Variants in PTPRK observed in about 807,000 individuals in gnomAD.
PTPRK encodes protein tyrosine phosphatase receptor type K.
Under a neutral mutation model 178.0 loss-of-function variants are expected in PTPRK, and 75 were observed. The ratio of observed to expected loss-of-function variants is 0.42; its 90% CI spans 0.35 to 0.51. The LOEUF is 0.51. Among genes scored for constraint, PTPRK ranks in the 20% least tolerant of loss-of-function variants. The pLI, the probability that PTPRK is intolerant of heterozygous loss-of-function variation, is 0.02. For synonymous variants in PTPRK, 637 were observed against 620.6 expected (o/e 1.03, Z -0.39); for missense variants, 1,441 against 1,797.8 (o/e 0.80, Z 3.59).
At chr6:127,997,956 T>G (rs991989189) in intron 16 of PTPRK, among the ~76,000 whole-genome samples, 1 of 152,160 alleles carries the variant, frequency 6.6e-6, no homozygotes, top group African/African-American at 2.4e-5. Flanking sequence ...GTGTGCATAC[T>G]GTGATGTGTT....
intron 7 of PTPRK, among the ~76,000 whole-genome samples, chr6:128,130,559 G>C (rs1470356881): frequency 1.3e-5 from 2 of 152,164 alleles, no homozygotes; most frequent in Non-Finnish European, 2.9e-5. Flanking sequence ...AAGGTAGTGA[G>C]ATAAAAATAG....
chr6:128,038,995 G>A (rs1346218378), intron 13 of PTPRK, among the ~76,000 whole-genome samples: 1 of 152,068 alleles, frequency 6.6e-6, no homozygotes, highest in East Asian at 1.9e-4. Context: ...TGGAGAAATA[G>A]GTATTCTAAC....
intron 1 of PTPRK, among the ~76,000 whole-genome samples, chr6:128,424,003 T>C (rs190979908): frequency 1.3e-5 from 2 of 150,798 alleles, no homozygotes; most frequent in African/African-American, 4.9e-5. Flanking sequence ...GGAGGATTGC[T>C]TGAGGCCAGG....
chr6:128,449,601 AATG>A (rs1847491681), intron 1 of PTPRK, among the ~76,000 whole-genome samples: 1 of 152,200 alleles, frequency 6.6e-6, no homozygotes, highest in African/African-American at 2.4e-5. Flanking sequence ...AGGTAAAAAC[AATG>A]ATTTTTTTTT....
intron 7 of PTPRK, among the ~76,000 whole-genome samples, chr6:128,130,722 G>A (rs1794098438): frequency 6.6e-6 from 1 of 152,066 alleles, no homozygotes; most frequent in Non-Finnish European, 1.5e-5. Flanking sequence ...AACACTCAGG[G>A]ACTATTTGAC....
intron 3 of PTPRK, among the ~76,000 whole-genome samples, chr6:128,309,080 A>G (rs951348207): frequency 6.6e-6 from 1 of 152,188 alleles, no homozygotes; most frequent in African/African-American, 2.4e-5. Flanking sequence ...TCAAGTCAAT[A>G]GGTTATCAAT....
intron 7 of PTPRK, among the ~76,000 whole-genome samples, chr6:128,127,011 G>A (rs1339715385): frequency 1.3e-5 from 2 of 151,762 alleles, no homozygotes; most frequent in Non-Finnish European, 2.9e-5. Context: ...AGAGGGGTAT[G>A]ATGTTTTGCT....
chr6:128,184,727 T>C lies in PTPRK; in HGVS notation c.869-2A>G. 6.2e-7 allele frequency: 1 copy of C among 1,612,560 alleles called. No individual in the cohort carries two copies. The highest frequency in any genetic ancestry group is 8.5e-7 in the Non-Finnish European group (1 of 1,178,976). ...GAGGAGCAATGGGTCTTGGCGGTTC[T>C]AGGAGAGATGAGTGTGCACTTCAAT... On this transcript the variant is annotated splice_acceptor_variant, in intron 6 of 29. Transcript: ENST00000368226. LOFTEE classifies it high-confidence loss of function.
At position 128,194,073 on chromosome 6, in the gene PTPRK, T is replaced by TA. The variant is rs1267175054; in HGVS notation, c.869-9349_869-9348insT. Among the ~76,000 whole-genome samples the TA allele has an allele frequency of 1.4e-3, 206 of 142,290 alleles. 1 individual carries two copies. The highest frequency in any genetic ancestry group is 4.6e-3 in the African/African-American group (174 of 37,580). The allele number at this position is 142,290 out of a possible 152,430, so 93.3% of individuals were successfully genotyped here. ...AATAATATTTATATATATATTATTA[T>TA]TATTATTATTATTATTATTATTATT... On this transcript the variant is annotated intron_variant, in intron 6 of 29. Transcript: ENST00000368226.
chr6:128,129,510 A>T (rs1793890979), intron 7 of PTPRK, among the ~76,000 whole-genome samples: 1 of 152,158 alleles, frequency 6.6e-6, no homozygotes, highest in Non-Finnish European at 1.5e-5. Flanking sequence ...CATTCATATT[A>T]GAAACATATT....
At chr6:128,460,875 A>G (rs1848970818) in intron 1 of PTPRK, among the ~76,000 whole-genome samples, 1 of 152,208 alleles carries the variant, frequency 6.6e-6, no homozygotes, top group South Asian at 2.1e-4. Context: ...GTTTATTTAT[A>G]TATTTATTTT....
At chr6:128,377,797 T>C (rs1837315631) in intron 2 of PTPRK, among the ~76,000 whole-genome samples, 1 of 151,826 alleles carries the variant, frequency 6.6e-6, no homozygotes, top group Non-Finnish European at 1.5e-5. Context: ...AAAAAAAATG[T>C]CCTAATTAAC....
chr6:128,485,232 A>G (rs1440547158), intron 1 of PTPRK, among the ~76,000 whole-genome samples: 1 of 152,216 alleles, frequency 6.6e-6, no homozygotes, highest in Non-Finnish European at 1.5e-5. Context: ...AGTTGGTTAT[A>G]TTAGTACACA....
In PTPRK at chr6:128,492,815, C is replaced by A. The variant is rs145635455; in HGVS notation, c.100+27444G>T. On this transcript the variant is annotated intron_variant, in intron 1 of 29. Coordinates refer to ENST00000368226, the MANE Select transcript of PTPRK (RefSeq NM_002844.4). ...CAATCTTTGCATATGGAAACCCTTG[C>A]CTTCCAAAAACCCCTTGCTAGTGCC... 4.4e-3 allele frequency among the ~76,000 whole-genome samples: 665 copies of A among 152,270 alleles called. 6 individuals carry two copies. The highest frequency in any genetic ancestry group is 0.015 in the African/African-American group (631 of 41,546).
At chr6:128,395,103 A>G (rs1388871607) in intron 2 of PTPRK, among the ~76,000 whole-genome samples, 1 of 152,202 alleles carries the variant, frequency 6.6e-6, no homozygotes, top group Non-Finnish European at 1.5e-5. Context: ...TGAAAAATCT[A>G]AATGTCTCCT....
intron 14 of PTPRK, among the ~76,000 whole-genome samples, chr6:128,007,362 G>A (rs947603982): frequency 1.3e-5 from 2 of 150,848 alleles, no homozygotes; most frequent in Non-Finnish European, 3.0e-5. Context: ...AGGTGATGGT[G>A]AGGAACAGAA....
intron 5 of PTPRK, among the ~76,000 whole-genome samples, chr6:128,222,371 C>T (rs1810573272): frequency 6.6e-6 from 1 of 152,206 alleles, no homozygotes; most frequent in African/African-American, 2.4e-5. Context: ...GAAGACAACT[C>T]TTCCACTTTC....
At chr6:128,248,473 A>T (rs1233600433) in intron 3 of PTPRK, among the ~76,000 whole-genome samples, 1 of 152,192 alleles carries the variant, frequency 6.6e-6, no homozygotes, top group South Asian at 2.1e-4. Flanking sequence ...GAAATGAAAA[A>T]AATATATTTA....
intron 1 of PTPRK, among the ~76,000 whole-genome samples, chr6:128,444,567 T>C (rs1846694841): frequency 6.6e-6 from 1 of 152,212 alleles, no homozygotes; most frequent in Non-Finnish European, 1.5e-5. Flanking sequence ...TTTTTATCGC[T>C]TTAACTACTG....
Sources: allele counts gnomAD v4.1 joint callset (sites outside exome capture counted in the v4.1 genomes callset), GRCh38; gene constraint gnomAD v4.1.1; transcripts MANE v1.5; gene names NCBI Gene and HGNC (gene_info 2026-07-23, HGNC 2026-07-21).